Variants in MTMR10 observed in about 807,000 individuals in gnomAD.
The protein encoded by MTMR10 is myotubularin-related protein 10.
A neutral mutation model predicts 88.1 loss-of-function variants in MTMR10; 56 were observed. That is an observed-to-expected ratio of 0.64 (90% CI 0.51 to 0.79). The LOEUF is 0.79. Among genes scored for constraint, MTMR10 ranks in the 30% least tolerant of loss-of-function variants. The probability of loss-of-function intolerance (pLI) is 0.00; values close to 1 mark genes in which losing one functional copy is unlikely to be tolerated. For missense variants in MTMR10, 883 were observed against 924.7 expected (o/e 0.95, Z 0.58); for synonymous variants, 380 against 340.9 (o/e 1.11, Z -1.26).
chr15:30,928,935 G>A, the MTMR10 span: 3 of 378,600 alleles, frequency 7.9e-6, no homozygotes, highest in Non-Finnish European at 7.3e-6. Flanking sequence ...CTGCCGTGTC[G>A]CAGGCACTGT....
chr15:30,938,944 A>G lies in MTMR10; in HGVS notation c.*2526T>C, dbSNP rs974168237. The G allele has an allele frequency of 9.1e-6, 9 of 985,298 alleles. No individual in the cohort carries two copies. The African/African-American group carries it at 1.2e-4, about 13-fold the overall frequency. The allele number at this position is 985,298 out of a possible 1,614,324, so 61.0% of individuals were successfully genotyped here. ...TGATTTCATACTGACAACAACAAAC[A>G]GTCGCTGTGGAATTTTATTAAGCCA... On this transcript the variant is annotated 3_prime_UTR_variant, in exon 16 of 16. Coordinates refer to ENST00000435680, the MANE Select transcript of MTMR10 (RefSeq NM_017762.3).
chr15:30,973,989 T>C (rs2029912273), intron 5 of MTMR10, among the ~76,000 whole-genome samples: 1 of 152,220 alleles, frequency 6.6e-6, no homozygotes. Context: ...CAAACCTTAA[T>C]TACAGTATAT....
intron 12 of MTMR10, among the ~76,000 whole-genome samples, chr15:30,950,853 T>C (rs1424554363): frequency 1.3e-5 from 2 of 152,236 alleles, no homozygotes; most frequent in Admixed American, 6.5e-5. Flanking sequence ...GCATATAACC[T>C]ATGCACATCC....
intron 6 of MTMR10, among the ~76,000 whole-genome samples, chr15:30,961,718 A>C (rs2063404777): frequency 6.6e-6 from 1 of 152,186 alleles, no homozygotes; most frequent in African/African-American, 2.4e-5. Context: ...ACTATGCTAT[A>C]CATTTTTCTT....
At chr15:30,988,224 A>AGCCAGGATGGGTGCAGGAAG (rs2031078880) in intron 2 of MTMR10, among the ~76,000 whole-genome samples, 1 of 152,198 alleles carries the variant, frequency 6.6e-6, no homozygotes. Flanking sequence ...GACAGAACAC[A>AGCCAGGATGGGTGCAGGAAG]GCCAGGATGG....
chr15:30,964,993 T>C (rs1318402727), intron 6 of MTMR10, among the ~76,000 whole-genome samples: 2 of 152,128 alleles, frequency 1.3e-5, no homozygotes, highest in African/African-American at 4.8e-5. Context: ...CACAAAGGAA[T>C]AAGGTAAAAA....
At position 30,940,836 on chromosome 15, in the gene MTMR10, A is replaced by C; in HGVS notation, c.*634T>G. ...AAAGTCAAAGGCACTTCTAAGTTTAATTATCTGCAGCAAATGCTTTAAAAT... is the reference window on the plus strand; with the variant it reads ...AAAGTCAAAGGCACTTCTAAGTTTACTTATCTGCAGCAAATGCTTTAAAAT... On this transcript the variant is annotated 3_prime_UTR_variant, in exon 16 of 16. Coordinates refer to ENST00000435680, the MANE Select transcript of MTMR10 (RefSeq NM_017762.3). The C allele has an allele frequency of 3.0e-6, 3 of 989,050 alleles. No individual in the cohort carries two copies. Among genetic ancestry groups the C allele is most frequent in the Non-Finnish European group, 3.6e-6 (3 of 832,048 alleles). 61.3% of individuals were successfully genotyped at this position (989,050 alleles called of 1,614,324 possible). A position where few individuals can be genotyped will look rare whatever the true frequency, so the allele number is the denominator to read the frequency against.
intron 6 of MTMR10, among the ~76,000 whole-genome samples, chr15:30,964,765 C>T (rs938266621): frequency 6.6e-6 from 1 of 152,204 alleles, no homozygotes; most frequent in Non-Finnish European, 1.5e-5. Flanking sequence ...CATGCCTCCA[C>T]AGCAGACTAA....
the MTMR10 span, chr15:30,920,484 A>C: frequency 9.6e-7 from 1 of 1,047,062 alleles, no homozygotes; most frequent in Non-Finnish European, 1.5e-6. Context: ...GTCACTTGTT[A>C]TTATTGTCTT....
intron 7 of MTMR10, 82 bp from the exon 8 acceptor site, chr15:30,959,203 GC>G: frequency 7.8e-7 from 1 of 1,274,560 alleles, no homozygotes. Context: ...AAATAATTAA[GC>G]AAGTTGTCCG....
At position 30,984,495 on chromosome 15, in the gene MTMR10, C is replaced by G. The variant is rs565853673; in HGVS notation, c.121+6282G>C. Among the ~76,000 whole-genome samples, 8 of 152,212 alleles carry G rather than the reference C, an allele frequency of 5.3e-5. No individual in the cohort carries two copies. The South Asian group carries it at 1.7e-3, about 32-fold the overall frequency. On this transcript the variant is annotated intron_variant, in intron 2 of 15. Transcript: ENST00000435680. Reference sequence around the variant, plus strand: ...GAAGCCTACCTACAAAAAGGAATTACATAAAACACTTGAAAGATAAAGTCT... The same window carrying G: ...GAAGCCTACCTACAAAAAGGAATTAGATAAAACACTTGAAAGATAAAGTCT...
chr15:30,974,533 G>C (rs2029969310), intron 4 of MTMR10, 77 bp from the exon 5 acceptor site: 1 of 1,279,356 alleles, frequency 7.8e-7, no homozygotes, highest in Non-Finnish European at 1.0e-6. Context: ...CAAATTCTTA[G>C]TGAAAATAAT....
At chr15:30,968,350 C>A in intron 5 of MTMR10, 1 of 190,222 alleles carries the variant, frequency 5.3e-6, no homozygotes, top group Non-Finnish European at 1.1e-5. Flanking sequence ...ATGTCCACTC[C>A]AAAAAAGGAA....
chr15:30,979,132 C>A (rs138662721), intron 2 of MTMR10, among the ~76,000 whole-genome samples: 5 of 152,268 alleles, frequency 3.3e-5, no homozygotes, highest in African/African-American at 1.2e-4. Context: ...ACAATGACTT[C>A]TTTACACGGA....
At chr15:30,968,677 G>A (rs765617744) in intron 5 of MTMR10, among the ~76,000 whole-genome samples, 1 of 152,064 alleles carries the variant, frequency 6.6e-6, no homozygotes, top group Non-Finnish European at 1.5e-5. Flanking sequence ...TCCTAGCTCT[G>A]TCAAGTACTT....
chr15:30,943,365 A>G (rs1392086002), intron 14 of MTMR10: 1 of 985,232 alleles, frequency 1.0e-6, no homozygotes, highest in Non-Finnish European at 1.2e-6. Flanking sequence ...TTTCACTAAC[A>G]TGATACTAGA....
chr15:30,922,331 C>T, the MTMR10 span: 1 of 1,613,422 alleles, frequency 6.2e-7, no homozygotes, highest in Middle Eastern at 1.6e-4. Context: ...TAATTTACAC[C>T]AGCACTTGAA....
At position 30,947,196 on chromosome 15, in the gene MTMR10, G is replaced by A. The variant is rs866704733; in HGVS notation, c.1482C>T (p.Ser494=). 1 of 1,613,982 alleles carries A rather than the reference G, an allele frequency of 6.2e-7. No homozygotes were observed. The highest frequency in any genetic ancestry group is 8.5e-7 in the Non-Finnish European group (1 of 1,179,888). ...SETYLAVLYD[S]TRISLFGTFL... ...AGGTGCCAAACAGTGAGATCCGGGTGCTGTCATACAACACTGCCAGGTAGG... is the reference window on the plus strand; with the variant it reads ...AGGTGCCAAACAGTGAGATCCGGGTACTGTCATACAACACTGCCAGGTAGG... Residue 494 remains serine, a synonymous_variant, in exon 14 of 16, where the codon AGC becomes AGT. Coordinates refer to ENST00000435680, the MANE Select transcript of MTMR10 (RefSeq NM_017762.3).
At chr15:30,929,680 TATA>T in the MTMR10 span, among the ~76,000 whole-genome samples, 8 of 67,338 alleles carry the variant, frequency 1.2e-4, no homozygotes, top group East Asian at 3.8e-4. Context: ...TAATATATCA[TATA>T]ATATATATAA....
Sources: gnomAD v4.1 joint callset for allele counts (sites outside exome capture counted in the v4.1 genomes callset) on GRCh38, gnomAD v4.1.1 for gene constraint, MANE v1.5 for transcripts, NCBI Gene and HGNC (gene_info 2026-07-23, HGNC 2026-07-21) for gene names.